Variants in RANBP2 observed in about 807,000 individuals in gnomAD.
The protein encoded by RANBP2 is RAN binding protein 2.
A neutral mutation model predicts 303.6 loss-of-function variants in RANBP2; 57 were observed. The observed-to-expected ratio is 0.19, with a 90% CI of 0.15 to 0.23. RANBP2 has a LOEUF of 0.23. RANBP2 is among the 10% of genes least tolerant of loss of function. The pLI, the probability that RANBP2 is intolerant of heterozygous loss-of-function variation, is 1.00. For missense variants in RANBP2, 3,138 were observed against 3,780.8 expected, an observed-to-expected ratio of 0.83 and a Z score of 4.46; for synonymous variants, 1,167 against 1,301.5, an observed-to-expected ratio of 0.90 and a Z score of 2.23.
chr2:109,224,762 C>T, the RANBP2 span, among the ~76,000 whole-genome samples: 13 of 152,276 alleles, frequency 8.5e-5, no homozygotes, highest in South Asian at 2.5e-3. Context: ...GAGGCTGAGG[C>T]ATTAGAATCG....
the RANBP2 span, among the ~76,000 whole-genome samples, chr2:109,008,183 C>T: frequency 6.6e-6 from 1 of 152,236 alleles, no homozygotes; most frequent in Non-Finnish European, 1.5e-5. Context: ...AAATTTGATC[C>T]TGTGTTATAG....
At chr2:109,483,202 C>G in the RANBP2 span, among the ~76,000 whole-genome samples, 1 of 152,198 alleles carries the variant, frequency 6.6e-6, no homozygotes, top group Non-Finnish European at 1.5e-5. Context: ...TCCCCATCTC[C>G]GACAGGAAAA....
chr2:108,756,910 A>G (rs1676361680), intron 17 of RANBP2, among the ~76,000 whole-genome samples: 1 of 152,212 alleles, frequency 6.6e-6, no homozygotes, highest in Admixed American at 6.5e-5. Flanking sequence ...AGGTGATTCC[A>G]CTAGTTTCTT....
At chr2:109,501,907 T>G in the RANBP2 span, 18 of 493,820 alleles carry the variant, frequency 3.6e-5, no homozygotes, top group Non-Finnish European at 3.6e-6. Flanking sequence ...ACCCCCTCTG[T>G]GGAAACTGCA....
the RANBP2 span, among the ~76,000 whole-genome samples, chr2:109,245,465 T>C: frequency 6.6e-6 from 1 of 152,222 alleles, no homozygotes; most frequent in African/African-American, 2.4e-5. Flanking sequence ...TGCACATTAG[T>C]GCTTCCTATG....
the RANBP2 span, among the ~76,000 whole-genome samples, chr2:109,316,126 A>G: frequency 6.6e-6 from 1 of 152,226 alleles, no homozygotes; most frequent in Admixed American, 6.5e-5. Context: ...GCTTTCAAAA[A>G]GAGAGGGCAA....
At chr2:109,019,962 G>A in the RANBP2 span, among the ~76,000 whole-genome samples, 8 of 152,208 alleles carry the variant, frequency 5.3e-5, no homozygotes, top group Non-Finnish European at 2.9e-5. Context: ...CTCTCCGTGA[G>A]CAGAGTTACA....
At chr2:109,189,413 G>C in the RANBP2 span, among the ~76,000 whole-genome samples, 1 of 150,290 alleles carries the variant, frequency 6.7e-6, no homozygotes, top group African/African-American at 2.5e-5. Context: ...CTGTCGCCCA[G>C]GCTGGAGTGC....
chr2:108,828,419 AAGTT>A, the RANBP2 span, among the ~76,000 whole-genome samples: 3 of 152,200 alleles, frequency 2.0e-5, no homozygotes, highest in Admixed American at 1.3e-4. Context: ...AAAAAGAACA[AAGTT>A]AGAGAGAGCT....
chr2:109,735,525 C>A, the RANBP2 span, among the ~76,000 whole-genome samples: 1 of 151,752 alleles, frequency 6.6e-6, no homozygotes, highest in Non-Finnish European at 1.5e-5. Flanking sequence ...CATGTGTTAG[C>A]CATTTTAATA....
At chr2:109,040,567 T>C in the RANBP2 span, among the ~76,000 whole-genome samples, 1 of 152,234 alleles carries the variant, frequency 6.6e-6, no homozygotes, top group Non-Finnish European at 1.5e-5. Flanking sequence ...GACATCTGTG[T>C]AATATTAAAA....
At chr2:109,269,092 G>T in the RANBP2 span, among the ~76,000 whole-genome samples, 1 of 152,188 alleles carries the variant, frequency 6.6e-6, no homozygotes, top group Admixed American at 6.5e-5. Context: ...GAGCCACGAG[G>T]CACAAGGGCC....
At chr2:109,129,767 C>G in the RANBP2 span, 1 of 1,539,488 alleles carries the variant, frequency 6.5e-7, no homozygotes, top group East Asian at 2.5e-5. Context: ...TGCCAACACA[C>G]TTTCTGCCGC....
chr2:108,807,686 C>T, the RANBP2 span, among the ~76,000 whole-genome samples: 1 of 152,126 alleles, frequency 6.6e-6, no homozygotes, highest in South Asian at 2.1e-4. Context: ...GGCATGATCT[C>T]GGCTCACTGC....
the RANBP2 span, among the ~76,000 whole-genome samples, chr2:109,334,003 G>A: frequency 1.3e-5 from 2 of 152,156 alleles, no homozygotes; most frequent in African/African-American, 4.8e-5. Context: ...GAAGTGGGCA[G>A]GTTTCTAAGA....
At chr2:109,231,296 G>C in the RANBP2 span, among the ~76,000 whole-genome samples, 34 of 152,392 alleles carry the variant, frequency 2.2e-4, no homozygotes, top group African/African-American at 8.2e-4. Flanking sequence ...GGATGTGGGA[G>C]AGGTGAGCTA....
the RANBP2 span, among the ~76,000 whole-genome samples, chr2:108,811,247 C>CTCTTTTTTTTTTT: frequency 2.8e-4 from 32 of 113,866 alleles, 1 homozygote; most frequent in African/African-American, 6.1e-4. Context: ...TTCTCTCTCT[C>CTCTTTTTTTTTTT]TTTTTTTTTT....
chr2:109,429,499 C>T, the RANBP2 span, among the ~76,000 whole-genome samples: 3 of 152,136 alleles, frequency 2.0e-5, no homozygotes, highest in East Asian at 1.9e-4. Flanking sequence ...CCCTGGTGCA[C>T]GTCAGGGCAG....
chr2:109,067,984 G>A, the RANBP2 span, among the ~76,000 whole-genome samples: 5 of 152,134 alleles, frequency 3.3e-5, no homozygotes, highest in African/African-American at 1.2e-4. Flanking sequence ...TTTGCTCTTT[G>A]CTGTTCCTTC....
Sources: gnomAD v4.1 joint callset for allele counts (sites outside exome capture counted in the v4.1 genomes callset) on GRCh38, gnomAD v4.1.1 for gene constraint, MANE v1.5 for transcripts, NCBI Gene and HGNC (gene_info 2026-07-23, HGNC 2026-07-21) for gene names.